LCA5: variants seen among roughly 807,000 people sequenced by gnomAD.
The protein encoded by LCA5 is lebercilin LCA5, also known as lebercilin.
Under a neutral mutation model 53.0 loss-of-function variants are expected in LCA5, and 37 were observed. The ratio of observed to expected loss-of-function variants is 0.70; its 90% confidence interval spans 0.54 to 0.92. The LOEUF (loss-of-function observed/expected upper bound fraction) is 0.92. LCA5 is among the 40% of genes least tolerant of loss of function. The pLI is 0.00. For synonymous variants in LCA5, 303 were observed against 282.9 expected, an observed-to-expected ratio of 1.07 and a Z score of -0.71; for missense variants, 806 against 790.5, an observed-to-expected ratio of 1.02 and a Z score of -0.23.
intron 4 of LCA5, 141 bp from the exon 5 acceptor site, chr6:79,492,788 A>G (rs978406340): frequency 5.0e-6 from 3 of 605,574 alleles, no homozygotes; most frequent in Non-Finnish European, 8.9e-6. Flanking sequence ...CAAACTATAG[A>G]AAGAAATGTC....
chr6:79,529,065 T>C (rs1386120713), intron 1 of LCA5, among the ~76,000 whole-genome samples: 6 of 152,210 alleles, frequency 3.9e-5, no homozygotes, highest in Non-Finnish European at 8.8e-5. Context: ...CTCTCATAAC[T>C]GTGGCAGGAG....
chr6:79,511,648 T>C (rs1178697914), intron 3 of LCA5, among the ~76,000 whole-genome samples: 1 of 152,170 alleles, frequency 6.6e-6, no homozygotes, highest in Non-Finnish European at 1.5e-5. Flanking sequence ...ATGAACTCTA[T>C]GTATCACGAC....
Position 79,529,127 on chromosome 6 carries a change from A to G in LCA5, c.-192+8038T>C, listed in dbSNP as rs188511175. Among the ~76,000 whole-genome samples the G allele has an allele frequency of 2.0e-3, 301 of 152,352 alleles. 3 individuals carry two copies. The highest frequency in any genetic ancestry group is 4.4e-3 in the East Asian group (23 of 5,184). On this transcript the variant is annotated intron_variant, in intron 1 of 7. Transcript: ENST00000369846. ...ATCCCTCGTGTGAGGGGACTAGCAC[A>G]GAGATTAATTAAAACGGCTATTAAT...
intron 1 of LCA5, among the ~76,000 whole-genome samples, chr6:79,531,598 T>C (rs1331400836): frequency 6.6e-6 from 1 of 152,154 alleles, no homozygotes; most frequent in East Asian, 1.9e-4. Context: ...ACCAATGACA[T>C]TCACCTTCCC....
intron 2 of LCA5, among the ~76,000 whole-genome samples, chr6:79,514,434 C>A (rs1260917353): frequency 6.6e-6 from 1 of 152,094 alleles, no homozygotes; most frequent in African/African-American, 2.4e-5. Context: ...ATTAGTTCAA[C>A]CACTGTGAAA....
chr6:79,518,728 GA>G lies in LCA5; in HGVS notation c.166del (p.Ser56GlnfsTer55), dbSNP rs1203370819. ...ACCTTGGTGATGTACTTGGCCATCTGAAGTTTGTCTTTTAGGATTTTTTCTC... is the reference window on the plus strand; with the variant it reads ...ACCTTGGTGATGTACTTGGCCATCTGAGTTTGTCTTTTAGGATTTTTTCTC... ...VRRKNPKRQT[S>X]DGQVHHQAPR... On this transcript the variant is annotated frameshift_variant, in exon 2 of 8. Transcript: ENST00000369846. LOFTEE classifies it high-confidence loss of function. 8 of 1,614,124 alleles carry G rather than the reference GA, an allele frequency of 5.0e-6. No individual in the cohort carries two copies. Among genetic ancestry groups the G allele is most frequent in the Non-Finnish European group, 6.8e-6 (8 of 1,179,994 alleles).
chr6:79,506,314 TTAA>T (rs1203458746), intron 3 of LCA5, among the ~76,000 whole-genome samples: 1 of 152,198 alleles, frequency 6.6e-6, no homozygotes, highest in Non-Finnish European at 1.5e-5. Flanking sequence ...TAAGGTCCTT[TTAA>T]TAATAATGTA....
intron 3 of LCA5, among the ~76,000 whole-genome samples, chr6:79,512,955 A>T (rs1194568402): frequency 2.0e-5 from 3 of 152,172 alleles, no homozygotes; most frequent in Non-Finnish European, 4.4e-5. Context: ...CCAATTTTAG[A>T]GAAACAATCA....
chr6:79,535,886 CCA>C (rs1299647929), intron 1 of LCA5, among the ~76,000 whole-genome samples: 1 of 151,974 alleles, frequency 6.6e-6, no homozygotes, highest in Non-Finnish European at 1.5e-5. Flanking sequence ...GAAGAAGATC[CCA>C]CAAAGGAGTT....
intron 3 of LCA5, among the ~76,000 whole-genome samples, chr6:79,508,780 T>G (rs1209067517): frequency 6.6e-6 from 1 of 152,180 alleles, no homozygotes; most frequent in Non-Finnish European, 1.5e-5. Flanking sequence ...AAATGAAACA[T>G]CACAATCAAG....
At chr6:79,504,221 C>G (rs2575198) in intron 3 of LCA5, among the ~76,000 whole-genome samples, 152,343 of 152,346 alleles carry the variant, frequency 1, 76,170 homozygotes, top group Middle Eastern at 1. Flanking sequence ...CCTCTTCCAG[C>G]CTTTTTCCAT....
At chr6:79,530,145 C>G (rs1278043288) in intron 1 of LCA5, among the ~76,000 whole-genome samples, 1 of 151,994 alleles carries the variant, frequency 6.6e-6, no homozygotes, top group Admixed American at 6.5e-5. Context: ...TTGGTTAACT[C>G]ATTTATTTCT....
upstream of LCA5, among the ~76,000 whole-genome samples, chr6:79,538,604 T>A (rs1562118718): frequency 6.6e-6 from 1 of 152,214 alleles, no homozygotes; most frequent in African/African-American, 2.4e-5. Flanking sequence ...TTAAAATAGC[T>A]CACTCGTTAT....
At position 79,513,299 on chromosome 6, in the gene LCA5, T is replaced by C; in HGVS notation, c.633A>G (p.Glu211=). The change falls in exon 3 of 8, where the codon GAA becomes GAG. Residue 211 remains glutamate (E), a synonymous_variant. Coordinates refer to ENST00000369846, the MANE Select transcript of LCA5 (RefSeq NM_001122769.3). The part of the protein sequence containing the change: ...FSLQKLKEIS[E]ARHLPERDDL... ...CATCTCGTTCAGGTAGGTGTCTAGC[T>C]TCAGAGATCTCTTTCAGTTTCTGTA... 1 of 1,613,820 alleles carries C rather than the reference T, an allele frequency of 6.2e-7. No individual in the cohort carries two copies. The highest frequency in any genetic ancestry group is 1.1e-5 in the South Asian group (1 of 91,068).
chr6:79,487,069 C>G lies in LCA5; in HGVS notation c.2029G>C (p.Asp677His). The G allele has an allele frequency of 6.2e-7, 1 of 1,613,756 alleles. No homozygotes were observed. The highest frequency in any genetic ancestry group is 1.1e-5 in the South Asian group (1 of 91,056). Reference protein sequence around the residue: ...PNRHRLKHADDKPAVKAADSV... With the variant: ...PNRHRLKHADHKPAVKAADSV... Reference sequence around the variant, plus strand: ...TCAGCTGCTTTTACTGCTGGTTTATCGTCTGCATGTTTTAATCGGTGCCTA... The same window carrying G: ...TCAGCTGCTTTTACTGCTGGTTTATGGTCTGCATGTTTTAATCGGTGCCTA... The change falls in exon 8 of 8, where the codon GAT (aspartate) becomes CAT (histidine). Residue 677 changes from aspartate to histidine, a missense_variant. Coordinates refer to ENST00000369846, the MANE Select transcript of LCA5 (RefSeq NM_001122769.3).
intron 3 of LCA5, among the ~76,000 whole-genome samples, chr6:79,500,403 A>G (rs1348822147): frequency 1.3e-5 from 2 of 152,206 alleles, no homozygotes; most frequent in Non-Finnish European, 2.9e-5. Flanking sequence ...TTTTACCTTC[A>G]TTTATTTTTT....
intron 1 of LCA5, among the ~76,000 whole-genome samples, chr6:79,531,016 T>C (rs1766943057): frequency 1.3e-5 from 2 of 152,088 alleles, no homozygotes; most frequent in South Asian, 4.1e-4. Flanking sequence ...CCCTAGGAAA[T>C]CAAGTCTTTC....
intron 3 of LCA5, among the ~76,000 whole-genome samples, chr6:79,509,090 C>T (rs921907297): frequency 6.6e-6 from 1 of 152,070 alleles, no homozygotes; most frequent in Non-Finnish European, 1.5e-5. Context: ...TGGCTACACT[C>T]CCCCCATCCC....
chr6:79,527,586 T>G (rs1039969983), intron 1 of LCA5, among the ~76,000 whole-genome samples: 2 of 152,234 alleles, frequency 1.3e-5, no homozygotes, highest in Non-Finnish European at 2.9e-5. Context: ...GCTGGGATGA[T>G]GTATGGTAAA....
Sources: allele counts gnomAD v4.1 joint callset (sites outside exome capture counted in the v4.1 genomes callset), GRCh38; gene constraint gnomAD v4.1.1; transcripts MANE v1.5; gene names NCBI Gene and HGNC (gene_info 2026-07-23, HGNC 2026-07-21).